Variants in SLC2A13 observed in about 807,000 individuals in gnomAD.
SLC2A13 encodes the protein proton myo-inositol cotransporter.
Under a neutral mutation model 64.4 loss-of-function variants are expected in SLC2A13, and 32 were observed. The observed-to-expected ratio is 0.50, with a 90% CI of 0.37 to 0.67. SLC2A13 has a LOEUF of 0.67. SLC2A13 is among the 30% of genes least tolerant of loss of function. The probability of loss-of-function intolerance (pLI) is 0.00; values close to 1 mark genes in which losing one functional copy is unlikely to be tolerated. For synonymous variants in SLC2A13, 338 were observed against 327.1 expected (o/e 1.03, Z -0.36); for missense variants, 743 against 829.2 (o/e 0.90, Z 1.28).
intron 1 of SLC2A13, among the ~76,000 whole-genome samples, chr12:40,082,192 G>A (rs987586402): frequency 2.6e-5 from 4 of 152,164 alleles, no homozygotes; most frequent in African/African-American, 7.2e-5. Context: ...GCATGCACAC[G>A]GCATGTACAC....
intron 1 of SLC2A13, among the ~76,000 whole-genome samples, chr12:40,067,465 C>G (rs1356845965): frequency 6.6e-6 from 1 of 152,130 alleles, no homozygotes; most frequent in African/African-American, 2.4e-5. Flanking sequence ...TTTGAAAGAA[C>G]TTTACTCTTT....
chr12:40,033,488 G>C (rs932081633), intron 2 of SLC2A13, among the ~76,000 whole-genome samples: 14 of 152,290 alleles, frequency 9.2e-5, no homozygotes, highest in African/African-American at 2.9e-4. Context: ...CACTGGGCTG[G>C]GTAACTGCAA....
At chr12:39,963,719 T>C (rs1324559434) in intron 3 of SLC2A13, among the ~76,000 whole-genome samples, 2 of 152,206 alleles carry the variant, frequency 1.3e-5, no homozygotes, top group African/African-American at 4.8e-5. Context: ...CATTAATCAT[T>C]TGCTTGGTTA....
At chr12:39,806,130 AGAGCTTCC>A (rs1941972950) in intron 7 of SLC2A13, among the ~76,000 whole-genome samples, 1 of 152,232 alleles carries the variant, frequency 6.6e-6, no homozygotes, top group South Asian at 2.1e-4. Flanking sequence ...AAGTTTCACA[AGAGCTTCC>A]GAGAACACGA....
chr12:40,092,111 A>G (rs887726688), intron 1 of SLC2A13, among the ~76,000 whole-genome samples: 1 of 152,196 alleles, frequency 6.6e-6, no homozygotes, highest in Non-Finnish European at 1.5e-5. Flanking sequence ...AGAGAGAGGT[A>G]TAATAAGGTC....
At chr12:39,930,397 ATATT>A (rs1329563206) in intron 4 of SLC2A13, among the ~76,000 whole-genome samples, 3 of 152,176 alleles carry the variant, frequency 2.0e-5, no homozygotes, top group Non-Finnish European at 4.4e-5. Flanking sequence ...AAAATGGTAT[ATATT>A]AATTAATCCA....
intron 4 of SLC2A13, among the ~76,000 whole-genome samples, chr12:39,944,360 A>G (rs1413499697): frequency 1.3e-5 from 2 of 152,216 alleles, no homozygotes; most frequent in Non-Finnish European, 2.9e-5. Flanking sequence ...TGTTAAGTCC[A>G]TTTGTTCCAA....
At chr12:40,027,921 T>C (rs1199055000) in intron 3 of SLC2A13, among the ~76,000 whole-genome samples, 3 of 152,140 alleles carry the variant, frequency 2.0e-5, no homozygotes, top group Non-Finnish European at 4.4e-5. Flanking sequence ...TTTTCTGACA[T>C]GGTGAATTTC....
At position 39,757,467 on chromosome 12, in the gene SLC2A13, T is replaced by C. The variant is rs1939999801; in HGVS notation, c.*2559A>G. The C allele has an allele frequency of 6.6e-6, 1 of 151,702 alleles. No homozygotes were observed. Among genetic ancestry groups the C allele is most frequent in the Non-Finnish European group, 1.5e-5 (1 of 67,718 alleles). The allele number at this position is 151,702 out of a possible 1,614,324, so 9.4% of individuals were successfully genotyped here. On this transcript the variant is annotated 3_prime_UTR_variant, in exon 10 of 10. Coordinates refer to ENST00000280871, the MANE Select transcript of SLC2A13 (RefSeq NM_052885.4). ...AACCTGCAAAATTTAAACATTTAAT[T>C]TTTAATATACTATAAATGTTCACCA...
chr12:39,889,968 G>GCCAA (rs1441801162), intron 4 of SLC2A13, among the ~76,000 whole-genome samples: 3 of 151,704 alleles, frequency 2.0e-5, no homozygotes, highest in African/African-American at 7.3e-5. Context: ...CTAATCTCTG[G>GCCAA]CCAATAATAT....
intron 7 of SLC2A13, among the ~76,000 whole-genome samples, chr12:39,811,660 A>T (rs1942164913): frequency 1.3e-5 from 2 of 152,160 alleles, no homozygotes; most frequent in African/African-American, 4.8e-5. Flanking sequence ...CTATTATTAG[A>T]GGAATATACA....
At chr12:39,886,094 T>C (rs1430111144) in intron 4 of SLC2A13, among the ~76,000 whole-genome samples, 1 of 152,210 alleles carries the variant, frequency 6.6e-6, no homozygotes, top group Admixed American at 6.5e-5. Flanking sequence ...AAGGTTAAAG[T>C]GAACAGACCT....
Position 40,097,855 on chromosome 12 carries a change from A to G in SLC2A13, c.556+7398T>C, listed in dbSNP as rs991806318. ...TAGAAATAGAACTACTACATGGTCCAGCAATCTCAATTCTGGGTATATATC... is the reference window on the plus strand; with the variant it reads ...TAGAAATAGAACTACTACATGGTCCGGCAATCTCAATTCTGGGTATATATC... On this transcript the variant is annotated intron_variant, in intron 1 of 9. Transcript: ENST00000280871. Among the ~76,000 whole-genome samples the G allele has an allele frequency of 2.0e-5, 3 of 152,172 alleles. No individual in the cohort carries two copies. The East Asian group carries it at 5.8e-4, about 29-fold the overall frequency.
intron 3 of SLC2A13, among the ~76,000 whole-genome samples, chr12:39,968,657 C>T (rs1946573100): frequency 6.6e-6 from 1 of 151,666 alleles, no homozygotes; most frequent in African/African-American, 2.4e-5. Flanking sequence ...AATTCCGTCA[C>T]TTCTACATTC....
intron 6 of SLC2A13, among the ~76,000 whole-genome samples, chr12:39,838,353 A>G (rs1363336941): frequency 1.4e-5 from 1 of 69,826 alleles, no homozygotes; most frequent in Non-Finnish European, 2.7e-5. Context: ...GGGTGGGGGG[A>G]GGGGGGAGGG....
intron 1 of SLC2A13, among the ~76,000 whole-genome samples, chr12:40,049,406 A>C (rs1002073696): frequency 2.0e-5 from 3 of 152,078 alleles, no homozygotes; most frequent in African/African-American, 7.2e-5. Flanking sequence ...GTACTAAGAA[A>C]CCTGTTGCTG....
Position 39,756,615 on chromosome 12 carries a change from T to A in SLC2A13, c.*3411A>T, listed in dbSNP as rs184676065. 72 of 151,960 alleles carry A rather than the reference T, an allele frequency of 4.7e-4. No homozygotes were observed. The highest frequency in any genetic ancestry group is 1.5e-3 in the African/African-American group (63 of 41,536). The allele number at this position is 151,960 out of a possible 1,614,324, so 9.4% of individuals were successfully genotyped here. ...CATATGGATGGTATTTTCTAAAACA[T>A]TCTTCCATTTCCACCAACTTCTGGA... is the stretch of plus-strand genomic sequence containing the variant. On this transcript the variant is annotated 3_prime_UTR_variant, in exon 10 of 10. Transcript: ENST00000280871.
At chr12:39,854,565 T>C (rs755713841) in intron 6 of SLC2A13, among the ~76,000 whole-genome samples, 23 of 152,272 alleles carry the variant, frequency 1.5e-4, no homozygotes, top group South Asian at 4.2e-4. Context: ...TGAGATAATC[T>C]CAGACTCTCA....
At chr12:39,925,711 A>G (rs902816961) in intron 4 of SLC2A13, among the ~76,000 whole-genome samples, 3 of 152,198 alleles carry the variant, frequency 2.0e-5, no homozygotes, top group African/African-American at 7.2e-5. Flanking sequence ...TAGTAATGCT[A>G]GCCCTCTACA....
Sources: allele counts gnomAD v4.1 joint callset (sites outside exome capture counted in the v4.1 genomes callset), GRCh38; gene constraint gnomAD v4.1.1; transcripts MANE v1.5; gene names NCBI Gene and HGNC (gene_info 2026-07-23, HGNC 2026-07-21).